The following CAST variants were observed in gnomAD, a reference collection of about 807,000 sequenced individuals.
CAST encodes the protein calpastatin, also known as MIR583 host.
A neutral mutation model predicts 119.6 loss-of-function variants in CAST; 76 were observed. The observed-to-expected ratio is 0.64, with a 90% confidence interval of 0.53 to 0.77. The LOEUF (loss-of-function observed/expected upper bound fraction) is 0.77. CAST is among the 30% of genes least tolerant of loss of function. CAST has a pLI of 0.00. For synonymous variants in CAST, 319 were observed against 331.6 expected, an observed-to-expected ratio of 0.96 and a Z score of 0.41; for missense variants, 953 against 946.5, an observed-to-expected ratio of 1.01 and a Z score of -0.09.
At chr5:96,722,208 T>A (rs368179111) in intron 3 of CAST, among the ~76,000 whole-genome samples, 1 of 152,228 alleles carries the variant, frequency 6.6e-6, no homozygotes, top group Admixed American at 6.5e-5. Flanking sequence ...AGCTTGTAAC[T>A]GACAGAGCTG....
intron 1 of CAST, among the ~76,000 whole-genome samples, chr5:96,639,560 T>A (rs193129215): frequency 1.9e-3 from 289 of 152,308 alleles, no homozygotes; most frequent in Admixed American, 3.5e-3. Flanking sequence ...AAGAAGTCAA[T>A]GGCACCTGAA....
chr5:96,479,492 C>A, the CAST span, among the ~76,000 whole-genome samples: 2 of 147,772 alleles, frequency 1.4e-5, no homozygotes, highest in African/African-American at 5.0e-5. Context: ...GCTATGTTGC[C>A]AGTCTGGAGT....
At chr5:96,221,499 C>G in the CAST span, among the ~76,000 whole-genome samples, 1 of 151,874 alleles carries the variant, frequency 6.6e-6, no homozygotes, top group South Asian at 2.1e-4. Context: ...ACAAGGCAAC[C>G]CCATTTACAA....
chr5:96,557,117 G>C (rs181971353), intron 1 of CAST, among the ~76,000 whole-genome samples: 1 of 151,914 alleles, frequency 6.6e-6, no homozygotes, highest in Non-Finnish European at 1.5e-5. Flanking sequence ...CTAAGCTTCA[G>C]AAGTGAAGGA....
At chr5:96,706,006 A>G (rs1238180086) in intron 3 of CAST, among the ~76,000 whole-genome samples, 1 of 152,230 alleles carries the variant, frequency 6.6e-6, no homozygotes, top group Non-Finnish European at 1.5e-5. Context: ...AACTTTTACT[A>G]TACCATGAGC....
At chr5:96,299,410 G>A in the CAST span, among the ~76,000 whole-genome samples, 2 of 152,216 alleles carry the variant, frequency 1.3e-5, no homozygotes, top group Admixed American at 6.5e-5. Flanking sequence ...TCACTTTAAA[G>A]TGGTTAGCCA....
the CAST span, among the ~76,000 whole-genome samples, chr5:96,498,666 G>A: frequency 1.3e-5 from 2 of 152,276 alleles, no homozygotes; most frequent in South Asian, 4.1e-4. Context: ...CATTTTATTT[G>A]TGGTAAATAA....
chr5:96,131,939 A>G, the CAST span, among the ~76,000 whole-genome samples: 3 of 152,184 alleles, frequency 2.0e-5, no homozygotes, highest in East Asian at 3.8e-4. Context: ...AGCAGGGTAC[A>G]TTGAAAAGAC....
chr5:96,302,922 A>C, the CAST span, among the ~76,000 whole-genome samples: 6 of 152,262 alleles, frequency 3.9e-5, no homozygotes, highest in East Asian at 1.2e-3. Flanking sequence ...CCACTTCCAA[A>C]GTCACTTCCA....
At chr5:96,219,735 G>GGGAA in the CAST span, among the ~76,000 whole-genome samples, 2 of 150,998 alleles carry the variant, frequency 1.3e-5, no homozygotes, top group African/African-American at 2.4e-5. Flanking sequence ...AAGCAAGAAA[G>GGGAA]GGAAGGAAGG....
the CAST span, among the ~76,000 whole-genome samples, chr5:96,055,543 G>T: frequency 0.014 from 2,145 of 152,232 alleles, 28 homozygotes; most frequent in Admixed American, 0.021. Context: ...TTCAGGACAG[G>T]TGTGCATTTT....
At chr5:96,495,669 G>A in the CAST span, among the ~76,000 whole-genome samples, 2 of 152,114 alleles carry the variant, frequency 1.3e-5, no homozygotes, top group African/African-American at 4.8e-5. Context: ...CTCTATGATT[G>A]ATGGGCATTT....
chr5:96,699,929 C>G (rs1229845479), intron 3 of CAST, among the ~76,000 whole-genome samples: 2 of 152,194 alleles, frequency 1.3e-5, no homozygotes, highest in African/African-American at 4.8e-5. Context: ...GCGCAAACAA[C>G]TTTCCTCCCA....
At chr5:96,433,304 C>CGTGTAA in the CAST span, 1 of 508,952 alleles carries the variant, frequency 2.0e-6, no homozygotes, top group East Asian at 3.6e-5. Flanking sequence ...GTCAAATCGA[C>CGTGTAA]GAAAGCCATC....
the CAST span, among the ~76,000 whole-genome samples, chr5:96,158,401 C>A: frequency 6.6e-6 from 1 of 152,104 alleles, no homozygotes; most frequent in Non-Finnish European, 1.5e-5. Flanking sequence ...CTTGTTTAAC[C>A]AGTTTTTAAT....
At chr5:96,037,286 G>A in the CAST span, among the ~76,000 whole-genome samples, 1 of 152,098 alleles carries the variant, frequency 6.6e-6, no homozygotes, top group Non-Finnish European at 1.5e-5. Flanking sequence ...AACATTTCAG[G>A]TTTCTGTGTT....
At chr5:96,553,087 G>A (rs1746166080) in intron 1 of CAST, among the ~76,000 whole-genome samples, 2 of 152,038 alleles carry the variant, frequency 1.3e-5, no homozygotes, top group African/African-American at 2.4e-5. Context: ...TAATACCAAA[G>A]CTTGGCAGAG....
At chr5:96,706,206 G>C (rs1754934423) in intron 3 of CAST, among the ~76,000 whole-genome samples, 1 of 152,150 alleles carries the variant, frequency 6.6e-6, no homozygotes, top group Non-Finnish European at 1.5e-5. Context: ...TTATTCTCTA[G>C]GATTTACAAG....
chr5:96,513,732 T>A, the CAST span, among the ~76,000 whole-genome samples: 2 of 152,202 alleles, frequency 1.3e-5, no homozygotes, highest in African/African-American at 2.4e-5. Context: ...AAAGTCCTGA[T>A]TTTTTTGAAA....
Sources: allele counts gnomAD v4.1 joint callset (sites outside exome capture counted in the v4.1 genomes callset), GRCh38; gene constraint gnomAD v4.1.1; transcripts MANE v1.5; gene names NCBI Gene and HGNC (gene_info 2026-07-23, HGNC 2026-07-21).